The following LIPT1 variants were observed in gnomAD, a reference collection of about 807,000 sequenced individuals.
LIPT1 encodes the protein lipoyltransferase 1.
A neutral mutation model predicts 25.1 loss-of-function variants in LIPT1; 22 were observed. That is an observed-to-expected ratio of 0.88 (90% CI 0.63 to 1.25). The LOEUF (loss-of-function observed/expected upper bound fraction) is 1.25. Among genes scored for constraint, LIPT1 ranks in the 50% most tolerant of loss-of-function variants. The pLI, the probability that LIPT1 is intolerant of heterozygous loss-of-function variation, is 0.00. For synonymous variants in LIPT1, 131 were observed against 150.8 expected (o/e 0.87, Z 0.96); for missense variants, 399 against 432.8 (o/e 0.92, Z 0.69).
At chr2:99,155,863 T>C (rs964621986) in intron 1 of LIPT1, among the ~76,000 whole-genome samples, 1 of 152,212 alleles carries the variant, frequency 6.6e-6, no homozygotes, top group African/African-American at 2.4e-5. Context: ...GCCCATTCCG[T>C]CAGACGTTCA....
intron 1 of LIPT1, among the ~76,000 whole-genome samples, chr2:99,157,509 T>C (rs1021665928): frequency 2.8e-4 from 42 of 152,224 alleles, no homozygotes; most frequent in Non-Finnish European, 1.5e-4. Context: ...GTATCCACCT[T>C]GGGCCTCCTA....
intron 1 of LIPT1, among the ~76,000 whole-genome samples, chr2:99,158,426 C>G (rs1230568356): frequency 2.3e-5 from 1 of 42,752 alleles, no homozygotes; most frequent in Non-Finnish European, 4.0e-5. Flanking sequence ...AGATTCATCT[C>G]TACAAAAAAA....
At chr2:99,157,560 CCTT>C (rs1238603948) in intron 1 of LIPT1, among the ~76,000 whole-genome samples, 2 of 152,212 alleles carry the variant, frequency 1.3e-5, no homozygotes, top group Non-Finnish European at 2.9e-5. Context: ...TCACTGATAA[CCTT>C]CTTGATACTG....
intron 1 of LIPT1, among the ~76,000 whole-genome samples, chr2:99,159,990 AC>A (rs1222077076): frequency 6.6e-6 from 1 of 152,188 alleles, no homozygotes; most frequent in Non-Finnish European, 1.5e-5. Context: ...ACCTCTCCAC[AC>A]CTTTCTAGAC....
chr2:99,162,481 A>G lies in LIPT1; in HGVS notation c.524A>G (p.Tyr175Cys). 1.9e-6 allele frequency: 3 copies of G among 1,614,142 alleles called. No individual in the cohort carries two copies. Among genetic ancestry groups the G allele is most frequent in the Non-Finnish European group, 2.5e-6 (3 of 1,180,038 alleles). The change falls in exon 2 of 2, where the codon TAT becomes TGT. Residue 175 changes from tyrosine (Y) to cysteine (C), a missense_variant. Coordinates refer to ENST00000651691, the MANE Select transcript of LIPT1 (RefSeq NM_145199.3). ...TCTAAGATCGGCCGGACTACTGCCT[A>G]TCACCATTGCACTTTATTATGTAGT... ...TASKIGRTTA[Y>C]HHCTLLCSTD...
intron 1 of LIPT1, 148 bp downstream of exon 1, chr2:99,155,199 C>T (rs1005407569): frequency 2.6e-6 from 1 of 390,538 alleles, no homozygotes; most frequent in African/African-American, 2.1e-5. Context: ...TGTGTGCACA[C>T]TTTCTCCTCA....
Position 99,161,555 on chromosome 2 carries a change from T to C in LIPT1, c.-1-402T>C, listed in dbSNP as rs183046194. The C allele has an allele frequency of 8.4e-5, 13 of 154,786 alleles. No individual in the cohort carries two copies. The East Asian group carries it at 2.5e-3, about 30-fold the overall frequency. 9.6% of individuals were successfully genotyped at this position (154,786 alleles called of 1,614,324 possible). A position where few individuals can be genotyped will look rare whatever the true frequency, so the allele number is the denominator to read the frequency against. Reference sequence around the variant, plus strand: ...ATTTGGCTTTAAGATATAGGTAATGTGGCTGAGTGCAGTGGCTCATGCCTG... The same window carrying C: ...ATTTGGCTTTAAGATATAGGTAATGCGGCTGAGTGCAGTGGCTCATGCCTG... On this transcript the variant is annotated intron_variant, in intron 1 of 1. Transcript: ENST00000651691.
chr2:99,162,831 T>C lies in LIPT1; in HGVS notation c.874T>C (p.Ser292Pro). Residue 292 changes from serine to proline, a missense_variant, in exon 2 of 2, where the codon TCA becomes CCA. By Grantham distance (74) the Ser-to-Pro change is moderately conservative. Coordinates refer to ENST00000651691, the MANE Select transcript of LIPT1 (RefSeq NM_145199.3). ...TTCCTTTCATGTGTTATATGAACAG[T>C]CACACTTGGAAATTAAAGTATTCAT... The part of the protein sequence containing the change: ...NTSFHVLYEQ[S>P]HLEIKVFIDI... 1 of 1,613,826 alleles carries C rather than the reference T, an allele frequency of 6.2e-7. No homozygotes were observed. Among genetic ancestry groups the C allele is most frequent in the Non-Finnish European group, 8.5e-7 (1 of 1,179,814 alleles).
chr2:99,155,994 A>G lies in LIPT1; in HGVS notation c.-2+943A>G, dbSNP rs891257743. 2.8e-4 allele frequency among the ~76,000 whole-genome samples: 43 copies of G among 152,230 alleles called. 2 individuals carry two copies. The highest frequency in any genetic ancestry group is 6.5e-5 in the Admixed American group (1 of 15,282). The stretch of plus-strand genomic sequence containing the variant: ...CATCTGAATATCTGATAGATGGTCT[A>G]TAGTTCTCTTTGTAAATCAATAAGC... On this transcript the variant is annotated intron_variant, in intron 1 of 1. Transcript: ENST00000651691.
intron 1 of LIPT1, among the ~76,000 whole-genome samples, chr2:99,160,318 A>C (rs560763660): frequency 2.5e-4 from 38 of 152,238 alleles, no homozygotes; most frequent in African/African-American, 9.1e-4. Context: ...TGAGATGTGG[A>C]GATTGCTTGA....
Position 99,162,246 on chromosome 2 carries a change from G to T in LIPT1, c.289G>T (p.Ala97Ser), listed in dbSNP as rs757910014. The T allele has an allele frequency of 6.2e-7, 1 of 1,613,524 alleles. No individual in the cohort carries two copies. Residue 97 changes from alanine (A) to serine (S), a missense_variant, in exon 2 of 2, where the codon GCT (alanine) becomes TCT (serine). By Grantham distance (99) the Ala-to-Ser change is moderately conservative. Coordinates refer to ENST00000651691, the MANE Select transcript of LIPT1 (RefSeq NM_145199.3). ...AATGAGAGAAGAAGGTATAAAACTG[G>T]CTCGGAGAAGAAGTGGAGGAGGAAC... ...NLMREEGIKL[A>S]RRRSGGGTVY...
At position 99,162,084 on chromosome 2, in the gene LIPT1, C is replaced by T. The variant is rs1389974709; in HGVS notation, c.127C>T (p.Gln43Ter). ...ILQSISNDVY[Q>*]NLAVEDWIHD... ...ACAGTCAATTTCCAATGATGTCTAT[C>T]AAAATCTGGCTGTGGAAGACTGGAT... The change falls in exon 2 of 2, where the codon CAA becomes TAA. Residue 43 changes from glutamine (Q) to a stop codon, truncating the protein, a stop_gained. Transcript: ENST00000651691. LOFTEE classifies it high-confidence loss of function. 3 of 1,614,082 alleles carry T rather than the reference C, an allele frequency of 1.9e-6. No homozygotes were observed. Among genetic ancestry groups the T allele is most frequent in the Non-Finnish European group, 2.5e-6 (3 of 1,180,006 alleles).
In LIPT1 at chr2:99,162,072, A is replaced by G. The variant is rs1270005816; in HGVS notation, c.115A>G (p.Asn39Asp). The stretch of plus-strand genomic sequence containing the variant: ...TGGGCTCATTTTACAGTCAATTTCC[A>G]ATGATGTCTATCAAAATCTGGCTGT... ...KNGLILQSIS[N>D]DVYQNLAVED... Residue 39 changes from asparagine to aspartate, a missense_variant, in exon 2 of 2, where the codon AAT becomes GAT. Physicochemically the swap from Asn to Asp is conservative, Grantham distance 23. Transcript: ENST00000651691. 2 of 1,614,044 alleles carry G rather than the reference A, an allele frequency of 1.2e-6. No homozygotes were observed. The highest frequency in any genetic ancestry group is 2.7e-5 in the African/African-American group (2 of 74,908).
chr2:99,162,526 C>G lies in LIPT1; in HGVS notation c.569C>G (p.Ser190Cys), dbSNP rs1276156862. Residue 190 changes from serine (S) to cysteine (C), a missense_variant, in exon 2 of 2, where the codon TCT becomes TGT. Transcript: ENST00000651691. ...TGTAGTACTGATGGGACGTTCTTGTCTTCTTTGCTAAAGAGCCCTTACCAA... is the reference window on the plus strand; with the variant it reads ...TGTAGTACTGATGGGACGTTCTTGTGTTCTTTGCTAAAGAGCCCTTACCAA... ...LLCSTDGTFL[S>C]SLLKSPYQGI... The G allele has an allele frequency of 6.2e-7, 1 of 1,613,936 alleles. No individual in the cohort carries two copies. Among genetic ancestry groups the G allele is most frequent in the African/African-American group, 1.3e-5 (1 of 74,944 alleles).
intron 1 of LIPT1, among the ~76,000 whole-genome samples, chr2:99,159,032 C>CA (rs1334695252): frequency 6.6e-6 from 1 of 152,154 alleles, no homozygotes; most frequent in Non-Finnish European, 1.5e-5. Context: ...GGGTTCACAC[C>CA]ACTCTTCTGC....
At chr2:99,160,868 G>A (rs111264258) in intron 1 of LIPT1, among the ~76,000 whole-genome samples, 2,303 of 152,180 alleles carry the variant, frequency 0.015, 60 homozygotes, top group Non-Finnish European at 0.018. Context: ...TGAACACATC[G>A]TTGATAACCA....
rs778252256 is a variant in LIPT1, at chr2:99,162,518, G to A, written c.561G>A (p.Thr187=). Residue 187 remains threonine, a synonymous_variant, in exon 2 of 2, where the codon ACG becomes ACA. Transcript: ENST00000651691. ...CTTTATTATGTAGTACTGATGGGAC[G>A]TTCTTGTCTTCTTTGCTAAAGAGCC... is the stretch of plus-strand genomic sequence containing the variant. ...HCTLLCSTDG[T]FLSSLLKSPY... The A allele has an allele frequency of 2.5e-5, 40 of 1,614,118 alleles. No homozygotes were observed. The East Asian group carries it at 7.1e-4, about 29-fold the overall frequency.
chr2:99,158,541 T>C (rs1363215413), intron 1 of LIPT1, among the ~76,000 whole-genome samples: 2 of 151,994 alleles, frequency 1.3e-5, no homozygotes, highest in East Asian at 3.9e-4. Flanking sequence ...ATCACACCAC[T>C]GCACTCCATC....
Position 99,162,519 on chromosome 2 carries a change from T to C in LIPT1, c.562T>C (p.Phe188Leu), listed in dbSNP as rs747508075. 1.2e-5 allele frequency: 19 copies of C among 1,614,064 alleles called. No individual in the cohort carries two copies. The highest frequency in any genetic ancestry group is 1.5e-5 in the Non-Finnish European group (18 of 1,180,050). Residue 188 changes from phenylalanine (F) to leucine (L), a missense_variant, in exon 2 of 2, where the codon TTC (phenylalanine) becomes CTC (leucine). Phe to Leu is a conservative substitution (Grantham distance 22). Transcript: ENST00000651691. The part of the protein sequence containing the change: ...CTLLCSTDGT[F>L]LSSLLKSPYQ... Reference sequence around the variant, plus strand: ...TTTATTATGTAGTACTGATGGGACGTTCTTGTCTTCTTTGCTAAAGAGCCC... The same window carrying C: ...TTTATTATGTAGTACTGATGGGACGCTCTTGTCTTCTTTGCTAAAGAGCCC...
Sources: allele counts gnomAD v4.1 joint callset (sites outside exome capture counted in the v4.1 genomes callset), GRCh38; gene constraint gnomAD v4.1.1; transcripts MANE v1.5; gene names NCBI Gene and HGNC (gene_info 2026-07-23, HGNC 2026-07-21).